DIP2C: variants seen among roughly 807,000 people sequenced by gnomAD.
The protein encoded by DIP2C is DIP2 acetate--CoA ligase C (putative).
Under a neutral mutation model 192.4 loss-of-function variants are expected in DIP2C, and 33 were observed. The ratio of observed to expected loss-of-function variants is 0.17; its 90% confidence interval spans 0.13 to 0.23. The LOEUF is 0.23. Among genes scored for constraint, DIP2C ranks in the 10% least tolerant of loss-of-function variants. The pLI, the probability that DIP2C is intolerant of heterozygous loss-of-function variation, is 1.00. For synonymous variants in DIP2C, 979 were observed against 864.1 expected, an observed-to-expected ratio of 1.13 and a Z score of -2.33; for missense variants, 1,537 against 2,110.1, an observed-to-expected ratio of 0.73 and a Z score of 5.32.
chr10:371,436 G>A (rs779860165), intron 17 of DIP2C, among the ~76,000 whole-genome samples: 5 of 152,196 alleles, frequency 3.3e-5, no homozygotes, highest in Non-Finnish European at 4.4e-5. Context: ...GCCATCTTAT[G>A]ACCAGGTTAA....
intron 29 of DIP2C, among the ~76,000 whole-genome samples, chr10:338,874 C>T (rs1001429376): frequency 1.6e-5 from 2 of 124,454 alleles, no homozygotes; most frequent in Non-Finnish European, 3.6e-5. Context: ...CAGCCCACCC[C>T]ACCTGCACCC....
At chr10:432,076 G>A (rs113877987) in intron 4 of DIP2C, among the ~76,000 whole-genome samples, 17 of 151,598 alleles carry the variant, frequency 1.1e-4, no homozygotes, top group African/African-American at 3.4e-4. Context: ...ACTTGGTTTT[G>A]GTGCACAATT....
chr10:388,764 C>A (rs1963194204), intron 13 of DIP2C, among the ~76,000 whole-genome samples: 2 of 152,218 alleles, frequency 1.3e-5, no homozygotes, highest in African/African-American at 2.4e-5. Flanking sequence ...AAAAGTGTTT[C>A]ATTCCACAGC....
intron 9 of DIP2C, among the ~76,000 whole-genome samples, chr10:406,029 C>T (rs952489787): frequency 2.6e-5 from 4 of 152,210 alleles, no homozygotes; most frequent in African/African-American, 9.7e-5. Flanking sequence ...CAAAATAAGC[C>T]TCTTTACATA....
At chr10:425,473 ATGTGAAATGGATACAGCATGACCAG>A (rs1564697667) in intron 4 of DIP2C, among the ~76,000 whole-genome samples, 1 of 145,636 alleles carries the variant, frequency 6.9e-6, no homozygotes, top group African/African-American at 2.6e-5. Flanking sequence ...GTGGTGACTA[ATGTGAAATGGATACAGCATGACCAG>A]CGGTGACTAA....
Position 325,322 on chromosome 10 carries a change from A to C in DIP2C, c.3924+1684T>G, listed in dbSNP as rs565014612. On this transcript the variant is annotated intron_variant, in intron 31 of 36. Coordinates refer to ENST00000280886, the MANE Select transcript of DIP2C (RefSeq NM_014974.3). ...ATCCAGGTGGATGGAAATAAATGAA[A>C]AAGTAAAGAGGAAAATAAATGTATG... is the stretch of plus-strand genomic sequence containing the variant. 4.6e-5 allele frequency among the ~76,000 whole-genome samples: 7 copies of C among 152,328 alleles called. No homozygotes were observed. The South Asian group carries it at 1.2e-3, about 27-fold the overall frequency.
At chr10:617,805 G>T (rs1406217853) in intron 1 of DIP2C, among the ~76,000 whole-genome samples, 1 of 151,980 alleles carries the variant, frequency 6.6e-6, no homozygotes, top group African/African-American at 2.4e-5. Flanking sequence ...CACCATCCAG[G>T]CTCTGGTGGG....
intron 1 of DIP2C, among the ~76,000 whole-genome samples, chr10:674,789 T>TATAGAGAGAGAG: frequency 1.8e-3 from 114 of 62,484 alleles, no homozygotes; most frequent in African/African-American, 3.7e-3. Context: ...TATATATATA[T>TATAGAGAGAGAG]AGAGAGAGAG....
chr10:512,867 T>C (rs1454630813), intron 1 of DIP2C, among the ~76,000 whole-genome samples: 1 of 140,382 alleles, frequency 7.1e-6, no homozygotes, highest in Non-Finnish European at 1.5e-5. Flanking sequence ...TGAGCCGAGA[T>C]TGCGCCACTG....
chr10:428,889 T>G (rs1272376072), intron 4 of DIP2C, among the ~76,000 whole-genome samples: 2 of 152,142 alleles, frequency 1.3e-5, no homozygotes, highest in African/African-American at 2.4e-5. Context: ...TCCAACCTGT[T>G]AAACCCACCA....
chr10:424,355 G>GTTTTTTTTTT (rs557255878), intron 4 of DIP2C, among the ~76,000 whole-genome samples: 5 of 83,106 alleles, frequency 6.0e-5, no homozygotes, highest in African/African-American at 2.3e-4. Context: ...ATCACCTTGG[G>GTTTTTTTTTT]TTTTTTTTTT....
chr10:500,315 G>C (rs903921956), intron 1 of DIP2C, among the ~76,000 whole-genome samples: 1 of 152,252 alleles, frequency 6.6e-6, no homozygotes, highest in African/African-American at 2.4e-5. Context: ...ACCAGCCCTT[G>C]GCTGCTCCAG....
At chr10:364,998 T>C in intron 19 of DIP2C, 1 of 533,664 alleles carries the variant, frequency 1.9e-6, no homozygotes, top group Non-Finnish European at 3.8e-6. Context: ...TCATAAAATG[T>C]TATTTGCCCT....
chr10:395,445 A>G (rs1482264115), intron 10 of DIP2C, among the ~76,000 whole-genome samples: 4 of 152,206 alleles, frequency 2.6e-5, no homozygotes, highest in Non-Finnish European at 5.9e-5. Context: ...AATAATATTT[A>G]AAAAGTAAAA....
intron 1 of DIP2C, among the ~76,000 whole-genome samples, chr10:497,559 TGTC>T (rs1222897804): frequency 3.3e-5 from 5 of 152,194 alleles, no homozygotes; most frequent in Admixed American, 1.3e-4. Flanking sequence ...CTCAAGACCT[TGTC>T]TTCTTCCAGA....
intron 10 of DIP2C, among the ~76,000 whole-genome samples, chr10:395,816 C>T (rs1564658040): frequency 6.6e-6 from 1 of 152,136 alleles, no homozygotes; most frequent in Non-Finnish European, 1.5e-5. Flanking sequence ...GTCCCCGTGT[C>T]CTCATCACAT....
chr10:498,916 T>A (rs1275272717), intron 1 of DIP2C, among the ~76,000 whole-genome samples: 4 of 152,214 alleles, frequency 2.6e-5, no homozygotes, highest in African/African-American at 9.6e-5. Flanking sequence ...GGATTTTCTA[T>A]GGTGTTACTT....
At chr10:487,587 T>TTTG (rs1564778152) in intron 1 of DIP2C, among the ~76,000 whole-genome samples, 21 of 139,522 alleles carry the variant, frequency 1.5e-4, no homozygotes, top group African/African-American at 5.3e-4. Flanking sequence ...TTTTTTTTTT[T>TTTG]TTTTTTTTTT....
intron 1 of DIP2C, among the ~76,000 whole-genome samples, chr10:632,349 C>T (rs976197417): frequency 1.3e-5 from 2 of 151,970 alleles, no homozygotes; most frequent in Non-Finnish European, 2.9e-5. Context: ...AACTCAGACC[C>T]GACAGCCAGC....
Sources: gnomAD v4.1 joint callset for allele counts (sites outside exome capture counted in the v4.1 genomes callset) on GRCh38, gnomAD v4.1.1 for gene constraint, MANE v1.5 for transcripts, NCBI Gene and HGNC (gene_info 2026-07-23, HGNC 2026-07-21) for gene names.